RHOBTB2: variants seen among roughly 807,000 people sequenced by gnomAD.
The protein encoded by RHOBTB2 is Rho related BTB domain containing 2.
A neutral mutation model predicts 66.5 loss-of-function variants in RHOBTB2; 39 were observed. That is an observed-to-expected ratio of 0.59 (90% CI 0.45 to 0.77). The LOEUF (loss-of-function observed/expected upper bound fraction) is 0.77. RHOBTB2 is among the 30% of genes least tolerant of loss of function. The pLI, the probability that RHOBTB2 is intolerant of heterozygous loss-of-function variation, is 0.00. For missense variants in RHOBTB2, 755 were observed against 999.1 expected (o/e 0.76, Z 3.29); for synonymous variants, 390 against 395.0 (o/e 0.99, Z 0.15).
the RHOBTB2 span, among the ~76,000 whole-genome samples, chr8:22,961,994 G>C: frequency 6.6e-6 from 1 of 151,896 alleles, no homozygotes; most frequent in Non-Finnish European, 1.5e-5. Context: ...GAATATATAA[G>C]TTTTCCAAAT....
chr8:22,973,339 C>T, the RHOBTB2 span, among the ~76,000 whole-genome samples: 15 of 152,254 alleles, frequency 9.9e-5, 1 homozygote, highest in South Asian at 3.1e-3. Context: ...AGCAATCCTC[C>T]CCTCTCGGCC....
At chr8:22,958,802 G>GAA in the RHOBTB2 span, among the ~76,000 whole-genome samples, 5,887 of 52,146 alleles carry the variant, frequency 0.11, 1,045 homozygotes, top group East Asian at 0.12. Flanking sequence ...GCCCCTCTCT[G>GAA]AAAAAAAAAA....
At chr8:22,995,841 A>C, upstream of RHOBTB2, 3 of 1,551,592 alleles carry the variant, frequency 1.9e-6, no homozygotes, top group Non-Finnish European at 2.6e-6. Context: ...TGGGCTCCGC[A>C]GAGGCTGTAG....
At chr8:22,994,413 G>A (rs1338730078) in intron 2 of RHOBTB2, 4 of 530,230 alleles carry the variant, frequency 7.5e-6, no homozygotes, top group African/African-American at 5.8e-5. Context: ...CCCCGCGCTG[G>A]ACCCGGACAT....
intron 2 of RHOBTB2, among the ~76,000 whole-genome samples, chr8:22,993,441 G>A (rs1024965024): frequency 1.3e-5 from 2 of 152,124 alleles, no homozygotes; most frequent in Admixed American, 1.3e-4. Flanking sequence ...CTTTACCCAG[G>A]GCATGGGGCT....
At chr8:22,955,421 C>G in the RHOBTB2 span, among the ~76,000 whole-genome samples, 1 of 152,196 alleles carries the variant, frequency 6.6e-6, no homozygotes, top group Non-Finnish European at 1.5e-5. Context: ...TATCCCCACT[C>G]TGGCTCCATG....
At chr8:22,964,008 C>T in the RHOBTB2 span, among the ~76,000 whole-genome samples, 1 of 152,062 alleles carries the variant, frequency 6.6e-6, no homozygotes, top group Non-Finnish European at 1.5e-5. Context: ...CTCAGACTGC[C>T]GACCTCAGGT....
chr8:23,009,170 A>AG (rs1554504932), intron 6 of RHOBTB2, among the ~76,000 whole-genome samples: 1 of 138,198 alleles, frequency 7.2e-6, no homozygotes, highest in Non-Finnish European at 1.5e-5. Context: ...AAAAGAAAAA[A>AG]AGAGAGAGAG....
the RHOBTB2 span, among the ~76,000 whole-genome samples, chr8:22,966,518 C>T: frequency 6.6e-6 from 1 of 151,832 alleles, no homozygotes; most frequent in Non-Finnish European, 1.5e-5. Context: ...GGTGTGGTGG[C>T]TCATGCCCGT....
At chr8:22,993,200 C>T (rs560019681) in intron 2 of RHOBTB2, among the ~76,000 whole-genome samples, 2 of 152,138 alleles carry the variant, frequency 1.3e-5, no homozygotes, top group African/African-American at 4.8e-5. Context: ...TGCTCTGTCA[C>T]CCAAGCTGCA....
intron 1 of RHOBTB2, among the ~76,000 whole-genome samples, chr8:22,989,440 C>T (rs117506742): frequency 1.1e-3 from 163 of 152,378 alleles, no homozygotes; most frequent in South Asian, 2.7e-3. Context: ...AGCCATGCAT[C>T]TGGCCGCATT....
chr8:23,001,911 T>C (rs1810797738), intron 1 of RHOBTB2, among the ~76,000 whole-genome samples: 1 of 152,200 alleles, frequency 6.6e-6, no homozygotes, highest in South Asian at 2.1e-4. Flanking sequence ...TGGCACAGTA[T>C]TTGTCAATTT....
At chr8:22,952,876 G>T in the RHOBTB2 span, among the ~76,000 whole-genome samples, 1 of 152,122 alleles carries the variant, frequency 6.6e-6, no homozygotes, top group African/African-American at 2.4e-5. Context: ...TTGCACTCCA[G>T]CCTGGGCAAC....
At chr8:22,992,203 G>C (rs983945149) in intron 2 of RHOBTB2, 2 of 152,136 alleles carry the variant, frequency 1.3e-5, no homozygotes, top group Admixed American at 6.5e-5. Context: ...AGAAGAGATG[G>C]GGGGGCTCCT....
At chr8:23,012,641 C>T (rs1382145886) in intron 7 of RHOBTB2, among the ~76,000 whole-genome samples, 2 of 152,050 alleles carry the variant, frequency 1.3e-5, no homozygotes, top group Non-Finnish European at 2.9e-5. Context: ...TTTTTAGAGA[C>T]AGGATCTTGC....
upstream of RHOBTB2, among the ~76,000 whole-genome samples, chr8:22,998,117 A>G (rs1228847938): frequency 6.6e-6 from 1 of 152,208 alleles, no homozygotes; most frequent in Non-Finnish European, 1.5e-5. Context: ...CACTTCCTGT[A>G]CATTGACCAG....
intron 7 of RHOBTB2, 114 bp from the exon 8 acceptor site, chr8:23,014,576 G>A (rs987296836): frequency 2.1e-6 from 2 of 934,896 alleles, no homozygotes; most frequent in Non-Finnish European, 3.3e-6. Context: ...GGCCTGTCCG[G>A]ACCTGCCCGG....
chr8:22,995,099 T>C (rs28521188), upstream of RHOBTB2, among the ~76,000 whole-genome samples: 1 of 151,820 alleles, frequency 6.6e-6, no homozygotes, highest in Non-Finnish European at 1.5e-5. Context: ...TTATCTTTTT[T>C]AAAAATTTTT....
At chr8:22,962,704 G>C in the RHOBTB2 span, among the ~76,000 whole-genome samples, 2 of 152,334 alleles carry the variant, frequency 1.3e-5, no homozygotes, top group East Asian at 1.9e-4. Context: ...TGGTGACGTA[G>C]AGAGACATCA....
Sources: allele counts gnomAD v4.1 joint callset (sites outside exome capture counted in the v4.1 genomes callset), GRCh38; gene constraint gnomAD v4.1.1; transcripts MANE v1.5; gene names NCBI Gene and HGNC (gene_info 2026-07-23, HGNC 2026-07-21).